TCF12: variants seen among roughly 807,000 people sequenced by gnomAD.
The protein encoded by TCF12 is transcription factor 12.
A neutral mutation model predicts 86.0 loss-of-function variants in TCF12; 45 were observed. That is an observed-to-expected ratio of 0.52 (90% CI 0.41 to 0.67). TCF12 has a LOEUF of 0.67. Among genes scored for constraint, TCF12 ranks in the 30% least tolerant of loss-of-function variants. TCF12 has a pLI of 0.00. For missense variants in TCF12, 881 were observed against 859.9 expected (o/e 1.02, Z -0.31); for synonymous variants, 330 against 299.6 (o/e 1.10, Z -1.05).
At chr15:57,167,823 G>A (rs2055013785) in intron 6 of TCF12, among the ~76,000 whole-genome samples, 1 of 152,038 alleles carries the variant, frequency 6.6e-6, no homozygotes, top group Admixed American at 6.5e-5. Flanking sequence ...TAAAGTTTTA[G>A]TGTTGTTAAT....
chr15:57,056,466 T>A (rs1284334129), intron 3 of TCF12, among the ~76,000 whole-genome samples: 5 of 151,974 alleles, frequency 3.3e-5, no homozygotes, highest in East Asian at 1.9e-4. Flanking sequence ...TTAATTAATT[T>A]ATTTATTTAT....
intron 5 of TCF12, among the ~76,000 whole-genome samples, chr15:57,158,812 A>G (rs1411892521): frequency 6.6e-6 from 1 of 152,172 alleles, no homozygotes; most frequent in Non-Finnish European, 1.5e-5. Context: ...GTAATTTGGC[A>G]TGGAGTGAAC....
At chr15:56,953,780 G>A (rs538178884) in intron 3 of TCF12, among the ~76,000 whole-genome samples, 1 of 149,424 alleles carries the variant, frequency 6.7e-6, no homozygotes, top group East Asian at 1.9e-4. Context: ...TCTTATTCCT[G>A]AAATGGATTG....
At chr15:57,041,421 T>C (rs1345831497) in intron 3 of TCF12, among the ~76,000 whole-genome samples, 1 of 152,214 alleles carries the variant, frequency 6.6e-6, no homozygotes, top group East Asian at 1.9e-4. Flanking sequence ...TCCCTTTGTA[T>C]TCACATAAGT....
intron 3 of TCF12, among the ~76,000 whole-genome samples, chr15:56,945,320 CCATGTATTTT>C (rs2060947668): frequency 2.0e-5 from 3 of 151,928 alleles, no homozygotes; most frequent in Non-Finnish European, 4.4e-5. Context: ...TTATATTAAT[CCATGTATTTT>C]CAATTTCCAG....
At chr15:57,068,209 T>C (rs1378846731) in intron 4 of TCF12, among the ~76,000 whole-genome samples, 1 of 152,190 alleles carries the variant, frequency 6.6e-6, no homozygotes, top group East Asian at 1.9e-4. Flanking sequence ...TAATGATATC[T>C]GTTTCATGAA....
At chr15:57,134,992 A>T (rs1235834853) in intron 5 of TCF12, among the ~76,000 whole-genome samples, 2 of 152,018 alleles carry the variant, frequency 1.3e-5, no homozygotes, top group Admixed American at 1.3e-4. Flanking sequence ...TAAACACAAT[A>T]AAGCTGTTTA....
At chr15:57,046,112 CTG>C (rs1225926829) in intron 3 of TCF12, among the ~76,000 whole-genome samples, 1 of 152,210 alleles carries the variant, frequency 6.6e-6, no homozygotes, top group Non-Finnish European at 1.5e-5. Flanking sequence ...GTGACAGAGA[CTG>C]TACTTAAACG....
At chr15:56,951,065 A>G (rs925598573) in intron 3 of TCF12, among the ~76,000 whole-genome samples, 1 of 152,052 alleles carries the variant, frequency 6.6e-6, no homozygotes, top group Non-Finnish European at 1.5e-5. Flanking sequence ...CATTATGACC[A>G]TTCTTAATGC....
intron 16 of TCF12, 99 bp downstream of exon 16, chr15:57,253,567 G>A: frequency 2.2e-6 from 3 of 1,392,578 alleles, no homozygotes; most frequent in Non-Finnish European, 2.9e-6. Flanking sequence ...TGAAAGGAAG[G>A]CAAAGACTGA....
intron 4 of TCF12, among the ~76,000 whole-genome samples, chr15:57,080,380 G>T (rs1596440158): frequency 6.6e-6 from 1 of 152,288 alleles, no homozygotes; most frequent in East Asian, 1.9e-4. Context: ...TAGAAATGAA[G>T]ACTTCCTTCA....
At chr15:56,947,311 G>T (rs2061049009) in intron 3 of TCF12, among the ~76,000 whole-genome samples, 1 of 152,046 alleles carries the variant, frequency 6.6e-6, no homozygotes, top group Non-Finnish European at 1.5e-5. Context: ...GTGTGTGTGT[G>T]ATTTGCTCTT....
chr15:56,990,767 T>C (rs1715143349), intron 3 of TCF12, among the ~76,000 whole-genome samples: 1 of 150,342 alleles, frequency 6.7e-6, no homozygotes, highest in African/African-American at 2.4e-5. Context: ...CGTTAAAATT[T>C]CTTTATAACT....
chr15:57,054,690 T>G (rs1361190808), intron 3 of TCF12, among the ~76,000 whole-genome samples: 1 of 152,126 alleles, frequency 6.6e-6, no homozygotes, highest in Non-Finnish European at 1.5e-5. Context: ...CCAACAGTAT[T>G]TTGTTTTACT....
chr15:57,112,290 A>AT (rs1423679788), intron 5 of TCF12, among the ~76,000 whole-genome samples: 3 of 152,188 alleles, frequency 2.0e-5, no homozygotes, highest in Admixed American at 6.5e-5. Context: ...CTTTCCAGTG[A>AT]TCTAAGACTG....
intron 3 of TCF12, among the ~76,000 whole-genome samples, chr15:56,949,686 G>C (rs1375537403): frequency 7.2e-5 from 11 of 152,186 alleles, no homozygotes; most frequent in African/African-American, 2.7e-4. Flanking sequence ...TCTGTGCTTG[G>C]TTTCAGGGAT....
intron 4 of TCF12, among the ~76,000 whole-genome samples, chr15:57,064,812 A>AAAAAAAAAG (rs554263213): frequency 3.6e-4 from 44 of 123,444 alleles, no homozygotes; most frequent in African/African-American, 8.7e-4. Flanking sequence ...AAAAAAAAAA[A>AAAAAAAAAG]AGAGAGAGAG....
intron 5 of TCF12, among the ~76,000 whole-genome samples, chr15:57,144,416 T>C (rs148212474): frequency 6.6e-6 from 1 of 152,352 alleles, no homozygotes; most frequent in East Asian, 1.9e-4. Flanking sequence ...GAAAATAATT[T>C]GATGACATCT....
At chr15:57,063,152 G>A (rs969022854) in intron 3 of TCF12, among the ~76,000 whole-genome samples, 5 of 152,172 alleles carry the variant, frequency 3.3e-5, no homozygotes, top group Non-Finnish European at 5.9e-5. Flanking sequence ...ATCAAATTGT[G>A]TATAATTTTA....
Sources: allele counts gnomAD v4.1 joint callset (sites outside exome capture counted in the v4.1 genomes callset), GRCh38; gene constraint gnomAD v4.1.1; transcripts MANE v1.5; gene names NCBI Gene and HGNC (gene_info 2026-07-23, HGNC 2026-07-21).